The following CRYBG1 variants were observed in gnomAD, a reference collection of about 807,000 sequenced individuals.
CRYBG1 encodes the protein beta/gamma crystallin domain-containing protein 1.
In CRYBG1, 139 loss-of-function variants were observed where a neutral mutation model predicts 189.2. The ratio of observed to expected loss-of-function variants is 0.73; its 90% CI spans 0.64 to 0.85. CRYBG1 has a LOEUF of 0.85. Among genes scored for constraint, CRYBG1 ranks in the 40% least tolerant of loss-of-function variants. The pLI, the probability that CRYBG1 is intolerant of heterozygous loss-of-function variation, is 0.00. For missense variants in CRYBG1, 2,611 were observed against 2,675.8 expected (o/e 0.98, Z 0.53); for synonymous variants, 1,023 against 1,017.1 (o/e 1.01, Z -0.11).
intron 1 of CRYBG1, among the ~76,000 whole-genome samples, chr6:106,428,541 A>G (rs1771268436): frequency 6.6e-6 from 1 of 152,196 alleles, no homozygotes; most frequent in Non-Finnish European, 1.5e-5. Context: ...ACAAAGTGCA[A>G]TCACATGTAC....
At chr6:106,402,025 C>G (rs1401985517) in intron 1 of CRYBG1, among the ~76,000 whole-genome samples, 7 of 142,190 alleles carry the variant, frequency 4.9e-5, no homozygotes, top group Non-Finnish European at 1.1e-4. Context: ...AGAGCCAAAT[C>G]ATGAGTGAAC....
intron 1 of CRYBG1, among the ~76,000 whole-genome samples, chr6:106,388,267 T>G (rs1449614428): frequency 2.6e-5 from 4 of 151,620 alleles, no homozygotes; most frequent in Admixed American, 6.6e-5. Flanking sequence ...CTTGCCATGT[T>G]CATCTTGGCA....
intron 2 of CRYBG1, among the ~76,000 whole-genome samples, chr6:106,493,459 C>A (rs12209167): frequency 0.33 from 50,211 of 151,954 alleles, 8,905 homozygotes; most frequent in African/African-American, 0.44. Flanking sequence ...TAAAACTAGA[C>A]TTACCATATA....
rs1230504898 is a variant in CRYBG1, at chr6:106,571,879, T to C, written c.*3313T>C. 1.6e-6 allele frequency: 1 copy of C among 639,008 alleles called. No homozygotes were observed. Among genetic ancestry groups the C allele is most frequent in the East Asian group, 2.7e-5 (1 of 36,970 alleles). 39.6% of individuals were successfully genotyped at this position (639,008 alleles called of 1,614,324 possible). A position where few individuals can be genotyped will look rare whatever the true frequency, so the allele number is the denominator to read the frequency against. On this transcript the variant is annotated 3_prime_UTR_variant, in exon 22 of 22. Coordinates refer to ENST00000633556, the MANE Select transcript of CRYBG1 (RefSeq NM_001371242.2). ...GTGTGTTTATTTTTTAAAGCTTGTA[T>C]CATGGAATGTATAATCTAATCTGGA...
intron 2 of CRYBG1, among the ~76,000 whole-genome samples, chr6:106,475,738 A>G (rs1314098976): frequency 6.6e-6 from 1 of 152,206 alleles, no homozygotes; most frequent in Non-Finnish European, 1.5e-5. Flanking sequence ...GTAGGATTAA[A>G]TCTGTGATTT....
chr6:106,505,025 C>T (rs936848698), intron 2 of CRYBG1, among the ~76,000 whole-genome samples: 3 of 151,240 alleles, frequency 2.0e-5, no homozygotes, highest in African/African-American at 7.3e-5. Flanking sequence ...ATCTTGGCTA[C>T]TGCAACCTCT....
intron 21 of CRYBG1, among the ~76,000 whole-genome samples, chr6:106,566,641 A>G (rs958660084): frequency 3.3e-5 from 5 of 151,594 alleles, no homozygotes; most frequent in African/African-American, 1.2e-4. Flanking sequence ...CCGGCTAGCT[A>G]CAACAGTTTT....
At chr6:106,559,900 G>T (rs1774660588) in intron 18 of CRYBG1, among the ~76,000 whole-genome samples, 1 of 152,038 alleles carries the variant, frequency 6.6e-6, no homozygotes, top group Non-Finnish European at 1.5e-5. Flanking sequence ...TTCCAGACAA[G>T]CCTGGGCAAC....
At chr6:106,443,356 A>G (rs1473523306) in intron 1 of CRYBG1, among the ~76,000 whole-genome samples, 2 of 152,228 alleles carry the variant, frequency 1.3e-5, no homozygotes, top group Admixed American at 6.5e-5. Flanking sequence ...AAATTGATTC[A>G]TGATCAAGTA....
chr6:106,362,275 T>C (rs190312469), intron 1 of CRYBG1, among the ~76,000 whole-genome samples: 63 of 152,188 alleles, frequency 4.1e-4, no homozygotes, highest in African/African-American at 1.5e-3. Flanking sequence ...GGCCTCTCCT[T>C]TTATTTGTAA....
At chr6:106,475,794 A>C (rs924577358) in intron 2 of CRYBG1, among the ~76,000 whole-genome samples, 13 of 152,320 alleles carry the variant, frequency 8.5e-5, no homozygotes, top group South Asian at 6.2e-4. Flanking sequence ...TGGCAGAGGG[A>C]AACAAGAGGC....
chr6:106,497,353 C>CTGCT (rs1281934674), intron 2 of CRYBG1, among the ~76,000 whole-genome samples: 1 of 152,200 alleles, frequency 6.6e-6, no homozygotes, highest in African/African-American at 2.4e-5. Flanking sequence ...GAAGTGTGAA[C>CTGCT]TGCTTCCAAG....
At chr6:106,508,193 T>G (rs1302077052) in intron 2 of CRYBG1, among the ~76,000 whole-genome samples, 1 of 152,222 alleles carries the variant, frequency 6.6e-6, no homozygotes, top group East Asian at 1.9e-4. Flanking sequence ...CAGTGAGCTG[T>G]GATCGTGCCA....
At chr6:106,381,613 A>G (rs1770289547) in intron 1 of CRYBG1, among the ~76,000 whole-genome samples, 1 of 152,260 alleles carries the variant, frequency 6.6e-6, no homozygotes, top group Admixed American at 6.5e-5. Flanking sequence ...TTATAATGCC[A>G]GTTTCCACTG....
rs764455511 is a variant in CRYBG1, at chr6:106,520,930, C to T, written c.3722C>T (p.Ala1241Val). 4 of 1,614,160 alleles carry T rather than the reference C, an allele frequency of 2.5e-6. No individual in the cohort carries two copies. The highest frequency in any genetic ancestry group is 2.7e-5 in the African/African-American group (2 of 75,044). ...AAGAGATCGAGACTAGAAAAAAGTG[C>T]ACTTTTCTCAAGCTTGTTATCTTCT... Reference protein sequence around the residue: ...GIKRSRLEKSALFSSLLSSLP... With the variant: ...GIKRSRLEKSVLFSSLLSSLP... The change falls in exon 4 of 22, where the codon GCA becomes GTA. Residue 1241 changes from alanine to valine, a missense_variant. Transcript: ENST00000633556.
rs1773848792 is a variant in CRYBG1 at position 106,530,282 on chromosome 6, A to T, written c.4685A>T (p.Gln1562Leu). Residue 1562 changes from glutamine to leucine, a missense_variant, in exon 8 of 22, where the codon CAG (glutamine) becomes CTG (leucine). Transcript: ENST00000633556. ...GAAATGCAGGGATTTGGTGTAATGCAGAAGACTTGTTCCATGAAAGTACAT... is the reference window on the plus strand; with the variant it reads ...GAAATGCAGGGATTTGGTGTAATGCTGAAGACTTGTTCCATGAAAGTACAT... ...TEEMQGFGVM[Q>L]KTCSMKVHWG... The T allele has an allele frequency of 6.2e-7, 1 of 1,612,870 alleles. No individual in the cohort carries two copies. The highest frequency in any genetic ancestry group is 8.5e-7 in the Non-Finnish European group (1 of 1,179,410).
intron 3 of CRYBG1, 123 bp from the exon 4 acceptor site, chr6:106,519,008 C>CA (rs71549475): frequency 5.3e-4 from 512 of 975,056 alleles, no homozygotes; most frequent in Non-Finnish European, 6.7e-4. Flanking sequence ...CACACACACA[C>CA]CACACTCCAA....
intron 1 of CRYBG1, among the ~76,000 whole-genome samples, chr6:106,435,015 G>A (rs373828830): frequency 3.3e-5 from 5 of 152,126 alleles, no homozygotes; most frequent in African/African-American, 9.7e-5. Context: ...TGGAATCAGC[G>A]TGCCCCTTCA....
intron 8 of CRYBG1, among the ~76,000 whole-genome samples, chr6:106,531,766 C>T (rs1370569392): frequency 6.6e-6 from 1 of 152,120 alleles, no homozygotes; most frequent in Non-Finnish European, 1.5e-5. Flanking sequence ...ACCACTTGAG[C>T]CAAGAACTGG....
Sources: allele counts gnomAD v4.1 joint callset (sites outside exome capture counted in the v4.1 genomes callset), GRCh38; gene constraint gnomAD v4.1.1; transcripts MANE v1.5; gene names NCBI Gene and HGNC (gene_info 2026-07-23, HGNC 2026-07-21).